The following EVI2B variants were observed in gnomAD, a reference collection of about 807,000 sequenced individuals.
EVI2B encodes protein EVI2B.
Under a neutral mutation model 6.6 loss-of-function variants are expected in EVI2B, and 4 were observed. The ratio of observed to expected loss-of-function variants is 0.61; its 90% CI spans 0.30 to 1.39. The LOEUF (loss-of-function observed/expected upper bound fraction) is 1.39. EVI2B is among the 40% of genes most tolerant of loss of function. The probability of loss-of-function intolerance (pLI) is 0.08; values close to 1 mark genes in which losing one functional copy is unlikely to be tolerated. For missense variants in EVI2B, 484 were observed against 516.6 expected, an observed-to-expected ratio of 0.94 and a Z score of 0.61; for synonymous variants, 181 against 186.8, an observed-to-expected ratio of 0.97 and a Z score of 0.25.
At chr17:31,310,704 G>A (rs2068850158) in intron 1 of EVI2B, among the ~76,000 whole-genome samples, 3 of 151,786 alleles carry the variant, frequency 2.0e-5, no homozygotes, top group Admixed American at 2.0e-4. Flanking sequence ...ATGTACCCGT[G>A]TACGTTTTAT....
rs1337877477 is a variant in EVI2B at position 31,305,224 on chromosome 17, G to A, written c.386C>T (p.Pro129Leu). 6.8e-6 allele frequency: 11 copies of A among 1,614,176 alleles called. No individual in the cohort carries two copies. Among genetic ancestry groups the A allele is most frequent in the Non-Finnish European group, 9.3e-6 (11 of 1,180,034 alleles). Residue 129 changes from proline (P) to leucine (L), a missense_variant, in exon 2 of 2, where the codon CCA (proline) becomes CTA (leucine). Transcript: ENST00000330927. Reference protein sequence around the residue: ...QAVFTSARQLPSARTSTTQPP... With the variant: ...QAVFTSARQLLSARTSTTQPP... ...TTGTGTGGTAGAAGTACGGGCAGAT[G>A]GTAGTTGTCTGGCAGAGGTGAACAC...
At chr17:31,305,666 AG>A in intron 1 of EVI2B, 36 bp from the exon 2 acceptor site, 1 of 1,538,848 alleles carries the variant, frequency 6.5e-7, no homozygotes. Context: ...AAAGACAGTT[AG>A]GCGTCATTGG....
chr17:31,306,554 CA>C (rs1218993906), intron 1 of EVI2B, among the ~76,000 whole-genome samples: 3 of 152,152 alleles, frequency 2.0e-5, no homozygotes, highest in Non-Finnish European at 4.4e-5. Context: ...TTCTTAGGCA[CA>C]GAGTCTATTA....
intron 1 of EVI2B, among the ~76,000 whole-genome samples, chr17:31,307,312 C>T (rs2068751264): frequency 6.6e-6 from 1 of 152,138 alleles, no homozygotes; most frequent in Non-Finnish European, 1.5e-5. Context: ...AGCCACCACG[C>T]CTGGCCCAAT....
At position 31,304,332 on chromosome 17, in the gene EVI2B, G is replaced by A; in HGVS notation, c.1278C>T (p.Phe426=). The A allele has an allele frequency of 6.2e-7, 1 of 1,614,124 alleles. No homozygotes were observed. The highest frequency in any genetic ancestry group is 8.5e-7 in the Non-Finnish European group (1 of 1,179,988). ...DSNLEIQCQE[F]SIPPNSDQDL... is the part of the protein sequence containing the mutation. ...CTTGATCAGAGTTGGGAGGAATAGA[G>A]AACTCCTGACACTGGATCTCAAGGT... The change falls in exon 2 of 2, where the codon TTC becomes TTT. Residue 426 remains phenylalanine (F), a synonymous_variant. Coordinates refer to ENST00000330927, the MANE Select transcript of EVI2B (RefSeq NM_006495.4).
At chr17:31,313,667 C>CT (rs1431463839) in intron 1 of EVI2B, among the ~76,000 whole-genome samples, 6 of 149,538 alleles carry the variant, frequency 4.0e-5, no homozygotes, top group African/African-American at 1.5e-4. Context: ...GATCGTGCCA[C>CT]TGCACTCCAG....
rs60267436 is a variant in EVI2B at position 31,313,722 on chromosome 17, A to ATGTG, written c.-22+253_-22+256dup. 9.2e-3 allele frequency among the ~76,000 whole-genome samples: 1,282 copies of ATGTG among 139,010 alleles called. 7 individuals are homozygous for ATGTG. Among genetic ancestry groups the ATGTG allele is most frequent in the African/African-American group, 0.013 (489 of 36,318 alleles). The allele number at this position is 139,010 out of a possible 152,430, so 91.2% of individuals were successfully genotyped here. ...CTCTATCTCAAAAAAAAAAAAAAAT[A>ATGTG]TGTGTGTGTGTGTGTGTGTGTGTGT... is the stretch of plus-strand genomic sequence containing the variant. On this transcript the variant is annotated intron_variant, in intron 1 of 1. Coordinates refer to ENST00000330927, the MANE Select transcript of EVI2B (RefSeq NM_006495.4).
chr17:31,313,044 G>T (rs17884633), intron 1 of EVI2B, among the ~76,000 whole-genome samples: 2,713 of 151,910 alleles, frequency 0.018, 95 homozygotes, highest in African/African-American at 0.062. Flanking sequence ...AACATTTTTG[G>T]CTTAGTAAGC....
Position 31,304,835 on chromosome 17 carries a change from C to T in EVI2B, c.775G>A (p.Glu259Lys). The T allele has an allele frequency of 6.2e-7, 1 of 1,613,946 alleles. No homozygotes were observed. The highest frequency in any genetic ancestry group is 1.7e-5 in the Admixed American group (1 of 60,010). ...GTACGTTTTGTGGATATTTCATTTT[C>T]TCTGATGTTATCCATACAAATGTCA... ...TPDICMDNIR[E>K]NEISTKRTSI... The change falls in exon 2 of 2, where the codon GAA (glutamate) becomes AAA (lysine). Residue 259 changes from glutamate to lysine, a missense_variant. Transcript: ENST00000330927.
rs3087591 is a variant in EVI2B, at chr17:31,303,952, A to G, written c.*311T>C. 52,415 of 182,240 alleles carry G rather than the reference A, an allele frequency of 0.29. 8,043 individuals carry two copies. The highest frequency in any genetic ancestry group is 0.44 in the East Asian group (3,081 of 6,952). 11.3% of individuals were successfully genotyped at this position (182,240 alleles called of 1,614,324 possible). On this transcript the variant is annotated 3_prime_UTR_variant, in exon 2 of 2. Coordinates refer to ENST00000330927, the MANE Select transcript of EVI2B (RefSeq NM_006495.4). ...AATTTTATACACAGCTTTTCAGGGGAAAAAAAACTGTACTGGGTAATAAGT... is the reference window on the plus strand; with the variant it reads ...AATTTTATACACAGCTTTTCAGGGGGAAAAAAACTGTACTGGGTAATAAGT...
Position 31,305,278 on chromosome 17 carries a change from G to A in EVI2B, c.332C>T (p.Pro111Leu), listed in dbSNP as rs1023260730. The A allele has an allele frequency of 5.0e-6, 8 of 1,613,978 alleles. No homozygotes were observed. Among genetic ancestry groups the A allele is most frequent in the Non-Finnish European group, 6.8e-6 (8 of 1,180,024 alleles). The part of the protein sequence containing the change: ...PLAYNTKQPT[P>L]IANTSSQQAV... ...TTGCTGGGAGGAGGTGTTGGCTATT[G>A]GTGTTGGTTGTTTGGTGTTGTAGGC... The change falls in exon 2 of 2, where the codon CCA becomes CTA. Residue 111 changes from proline to leucine, a missense_variant. By Grantham distance (98) the Pro-to-Leu change is moderately conservative. Coordinates refer to ENST00000330927, the MANE Select transcript of EVI2B (RefSeq NM_006495.4).
intron 1 of EVI2B, among the ~76,000 whole-genome samples, chr17:31,311,248 C>T (rs1018269337): frequency 2.2e-4 from 34 of 151,946 alleles, no homozygotes; most frequent in African/African-American, 7.0e-4. Context: ...CCACCGAGCC[C>T]GGCCATAGAC....
At chr17:31,307,983 T>A (rs758066732) in intron 1 of EVI2B, 6 of 1,202,030 alleles carry the variant, frequency 5.0e-6, no homozygotes, top group Non-Finnish European at 6.6e-6. Context: ...AGAAAAGATA[T>A]GTGATTTTTT....
rs141124255 is a variant in EVI2B at position 31,305,982 on chromosome 17, G to A, written c.-21-352C>T. Among the ~76,000 whole-genome samples, 694 of 152,162 alleles carry A rather than the reference G, an allele frequency of 4.6e-3. 6 individuals carry two copies. Among genetic ancestry groups the A allele is most frequent in the African/African-American group, 0.016 (665 of 41,482 alleles). On this transcript the variant is annotated intron_variant, in intron 1 of 1. Coordinates refer to ENST00000330927, the MANE Select transcript of EVI2B (RefSeq NM_006495.4). Reference sequence around the variant, plus strand: ...CAAAACGCATAGGCTCTATATGCTGGATCCATGTGTTCTCTACCTTTTTTC... The same window carrying A: ...CAAAACGCATAGGCTCTATATGCTGAATCCATGTGTTCTCTACCTTTTTTC...
intron 1 of EVI2B, chr17:31,307,751 A>C: frequency 4.0e-6 from 2 of 502,996 alleles, no homozygotes; most frequent in Non-Finnish European, 6.6e-6. Flanking sequence ...ATCTCTTAAC[A>C]TTAGGGAATA....
At position 31,305,564 on chromosome 17, in the gene EVI2B, T is replaced by C. The variant is rs1403479572; in HGVS notation, c.46A>G (p.Asn16Asp). 5.0e-6 allele frequency: 8 copies of C among 1,614,010 alleles called. No homozygotes were observed. Among genetic ancestry groups the C allele is most frequent in the Non-Finnish European group, 6.8e-6 (8 of 1,179,964 alleles). ...TCTGTCTTTGAAAAAAATGTATTGT[T>C]CAGGTGTCCACAAAACAAAATTAAG... ...FILILFCGHL[N>D]NTFFSKTETI... The change falls in exon 2 of 2, where the codon AAC becomes GAC. Residue 16 changes from asparagine (N) to aspartate (D), a missense_variant. Coordinates refer to ENST00000330927, the MANE Select transcript of EVI2B (RefSeq NM_006495.4).
At position 31,304,089 on chromosome 17, in the gene EVI2B, A is replaced by G; in HGVS notation, c.*174T>C. On this transcript the variant is annotated 3_prime_UTR_variant, in exon 2 of 2. Transcript: ENST00000330927. ...TAATTAGTAAATAGATTACTGTTAA[A>G]TAACTTTTTTTAAAAAAAAGTTTCA... is the stretch of plus-strand genomic sequence containing the variant. The G allele has an allele frequency of 1.8e-6, 1 of 561,796 alleles. No homozygotes were observed. Among genetic ancestry groups the G allele is most frequent in the Non-Finnish European group, 3.0e-6 (1 of 328,042 alleles). The allele number at this position is 561,796 out of a possible 1,614,324, so 34.8% of individuals were successfully genotyped here.
intron 1 of EVI2B, among the ~76,000 whole-genome samples, chr17:31,310,760 G>T (rs1469346408): frequency 6.6e-6 from 1 of 151,864 alleles, no homozygotes; most frequent in Admixed American, 6.6e-5. Flanking sequence ...AAGCAAATTT[G>T]TCAGCCCTCA....
rs1047096273 is a variant in EVI2B, at chr17:31,311,646, G to A, written c.-22+2333C>T. 6.6e-5 allele frequency among the ~76,000 whole-genome samples: 10 copies of A among 152,290 alleles called. No homozygotes were observed. In the East Asian group the frequency reaches 1.5e-3, roughly 23 times the overall value. ...TTACTGAGCACCCACCAAAGGCTAA[G>A]CAGTATCCTATTTTAATTAGCTAGG... On this transcript the variant is annotated intron_variant, in intron 1 of 1. Coordinates refer to ENST00000330927, the MANE Select transcript of EVI2B (RefSeq NM_006495.4).
Sources: allele counts gnomAD v4.1 joint callset (sites outside exome capture counted in the v4.1 genomes callset), GRCh38; gene constraint gnomAD v4.1.1; transcripts MANE v1.5; gene names NCBI Gene and HGNC (gene_info 2026-07-23, HGNC 2026-07-21).